ANK2: variants seen among roughly 807,000 people sequenced by gnomAD.
ANK2 encodes the protein ankyrin 2, also known as ankyrin-2.
ANK2 carries 83 observed loss-of-function variants against 360.5 expected under a neutral mutation model. The ratio of observed to expected loss-of-function variants is 0.23; its 90% CI spans 0.19 to 0.28. The LOEUF (loss-of-function observed/expected upper bound fraction) is 0.28. Among genes scored for constraint, ANK2 ranks in the 10% least tolerant of loss-of-function variants. ANK2 has a pLI of 1.00. For missense variants in ANK2, 4,201 were observed against 4,795.7 expected, an observed-to-expected ratio of 0.88 and a Z score of 3.66; for synonymous variants, 1,740 against 1,759.5, an observed-to-expected ratio of 0.99 and a Z score of 0.28.
the ANK2 span, among the ~76,000 whole-genome samples, chr4:112,800,699 C>T: frequency 0.018 from 2,665 of 152,256 alleles, 89 homozygotes; most frequent in African/African-American, 0.058. Context: ...TCTTGTTCCC[C>T]AGGCTGGAGT....
intron 22 of ANK2, among the ~76,000 whole-genome samples, chr4:113,295,251 C>T (rs3025713): frequency 0.12 from 18,046 of 152,130 alleles, 1,387 homozygotes; most frequent in East Asian, 0.23. Context: ...CTCCTCCCCA[C>T]CAGCAACTTC....
intron 1 of ANK2, chr4:113,145,584 T>A: frequency 9.6e-7 from 1 of 1,041,570 alleles, no homozygotes; most frequent in South Asian, 3.5e-5. Context: ...CCTCACTCCA[T>A]TGACATGCAT....
chr4:112,876,000 C>T (rs1019870348), intron 1 of ANK2, among the ~76,000 whole-genome samples: 9 of 151,316 alleles, frequency 5.9e-5, no homozygotes, highest in Non-Finnish European at 4.4e-5. Context: ...AGTGATTCTC[C>T]TACCTTGGCT....
At position 112,969,429 on chromosome 4, in the gene ANK2, C is replaced by T. The variant is rs540231640; in HGVS notation, c.21+64915C>T. ...CTCTTTAGTTTTTATCTTCCGCCTT[C>T]CTCTCTGATTTATGCCATTGGCTTC... On this transcript the variant is annotated intron_variant, in intron 2 of 30. Coordinates refer to the ANK2 transcript ENST00000503271. Among the ~76,000 whole-genome samples the T allele has an allele frequency of 2.6e-5, 4 of 152,286 alleles. No homozygotes were observed. The South Asian group carries it at 6.2e-4, about 24-fold the overall frequency.
chr4:112,988,031 G>A (rs2045530171), intron 2 of ANK2, among the ~76,000 whole-genome samples: 1 of 152,186 alleles, frequency 6.6e-6, no homozygotes, highest in Non-Finnish European at 1.5e-5. Flanking sequence ...TTCCAAATCA[G>A]GATAAAGTAT....
chr4:113,215,824 CT>C (rs1387164021), intron 4 of ANK2, among the ~76,000 whole-genome samples: 3 of 152,102 alleles, frequency 2.0e-5, no homozygotes, highest in Non-Finnish European at 2.9e-5. Context: ...AAAAAACCCA[CT>C]TTTTTTCTTG....
the ANK2 span, among the ~76,000 whole-genome samples, chr4:112,723,660 G>A: frequency 2.0e-5 from 3 of 152,038 alleles, no homozygotes; most frequent in South Asian, 2.1e-4. Flanking sequence ...CACCGCCCCC[G>A]GCAAGATCTT....
At position 112,978,465 on chromosome 4, in the gene ANK2, A is replaced by C. The variant is rs931011934; in HGVS notation, c.21+73951A>C. 2.6e-5 allele frequency among the ~76,000 whole-genome samples: 4 copies of C among 152,166 alleles called. No individual in the cohort carries two copies. In the South Asian group the frequency reaches 6.2e-4, roughly 24 times the overall value. On this transcript the variant is annotated intron_variant, in intron 2 of 30. Coordinates refer to the ANK2 transcript ENST00000503271. ...CCAAACTGAAACTCTGTACACATTAAATAGTAAGGCCCAGTTTCCCGCTTT... is the reference window on the plus strand; with the variant it reads ...CCAAACTGAAACTCTGTACACATTACATAGTAAGGCCCAGTTTCCCGCTTT...
chr4:112,876,985 C>G (rs1453869919), intron 1 of ANK2, among the ~76,000 whole-genome samples: 2 of 152,068 alleles, frequency 1.3e-5, no homozygotes, highest in African/African-American at 4.8e-5. Flanking sequence ...ACCCAACAAT[C>G]TCCTCTCCCT....
the ANK2 span, among the ~76,000 whole-genome samples, chr4:112,738,482 A>C: frequency 6.6e-6 from 1 of 152,114 alleles, no homozygotes; most frequent in South Asian, 2.1e-4. Flanking sequence ...GTAATTAAGC[A>C]AGTGATTTCA....
At chr4:113,323,965 C>G (rs2088138513) in intron 26 of ANK2, among the ~76,000 whole-genome samples, 2 of 152,134 alleles carry the variant, frequency 1.3e-5, no homozygotes, top group South Asian at 4.1e-4. Flanking sequence ...ATTCCCCTTT[C>G]TCTGTGATGA....
At chr4:113,012,623 T>C (rs964281481) in intron 2 of ANK2, among the ~76,000 whole-genome samples, 17 of 152,184 alleles carry the variant, frequency 1.1e-4, no homozygotes, top group Admixed American at 6.5e-5. Flanking sequence ...GGCAAACATA[T>C]AATTTTATCA....
At chr4:112,935,379 ATTC>A (rs1334365873) in intron 2 of ANK2, among the ~76,000 whole-genome samples, 6 of 152,186 alleles carry the variant, frequency 3.9e-5, no homozygotes, top group Non-Finnish European at 8.8e-5. Context: ...TTGAATCACT[ATTC>A]TTTGAGTCCT....
intron 1 of ANK2, among the ~76,000 whole-genome samples, chr4:113,146,342 G>A (rs1333808453): frequency 6.6e-6 from 1 of 152,124 alleles, no homozygotes; most frequent in Non-Finnish European, 1.5e-5. Context: ...ATTCACTTAC[G>A]TTCAGTCTGT....
At chr4:113,371,753 A>G (rs1431248028) in intron 43 of ANK2, among the ~76,000 whole-genome samples, 2 of 152,232 alleles carry the variant, frequency 1.3e-5, no homozygotes, top group Admixed American at 6.5e-5. Context: ...TAGAATTTAC[A>G]GGTCTTCCTT....
At chr4:112,893,006 T>G (rs949747974) in intron 1 of ANK2, among the ~76,000 whole-genome samples, 6 of 152,230 alleles carry the variant, frequency 3.9e-5, no homozygotes, top group Non-Finnish European at 8.8e-5. Flanking sequence ...ATTTCAACTA[T>G]ATTTCAGATA....
chr4:113,356,325 A>G lies in ANK2; in HGVS notation c.7707A>G (p.Ala2569=), dbSNP rs144407821. 122 of 1,614,058 alleles carry G rather than the reference A, an allele frequency of 7.6e-5. No homozygotes were observed. In the African/African-American group the frequency reaches 8.5e-4, roughly 11 times the overall value. ...TPKPAVIHEC[A]EEDDSENGEK... is the part of the protein sequence containing the mutation. ...AACCAGCTGTGATTCATGAATGTGC[A>G]GAGGAGGATGATTCAGAAAACGGGG... is the stretch of plus-strand genomic sequence containing the variant. The change falls in exon 38 of 46, where the codon GCA becomes GCG. Residue 2569 remains alanine (A), a synonymous_variant. Coordinates refer to ENST00000357077, the MANE Select transcript of ANK2 (RefSeq NM_001148.6).
chr4:112,752,284 G>A, the ANK2 span, among the ~76,000 whole-genome samples: 1 of 152,256 alleles, frequency 6.6e-6, no homozygotes, highest in Non-Finnish European at 1.5e-5. Context: ...TGCAGGGCAA[G>A]CACTCCACTC....
At chr4:113,081,495 G>GT (rs1203619860) in intron 1 of ANK2, among the ~76,000 whole-genome samples, 4 of 152,170 alleles carry the variant, frequency 2.6e-5, no homozygotes. Context: ...TAGTAATAAA[G>GT]TAAGAAGCTT....
Sources: gnomAD v4.1 joint callset for allele counts (sites outside exome capture counted in the v4.1 genomes callset) on GRCh38, gnomAD v4.1.1 for gene constraint, MANE v1.5 for transcripts, NCBI Gene and HGNC (gene_info 2026-07-23, HGNC 2026-07-21) for gene names.